NR2C1: variants seen among roughly 807,000 people sequenced by gnomAD.
NR2C1 encodes the protein nuclear receptor subfamily 2 group C member 1, also known as TR2 nuclear hormone receptor.
A neutral mutation model predicts 74.8 loss-of-function variants in NR2C1; 33 were observed. That is an observed-to-expected ratio of 0.44 (90% confidence interval 0.33 to 0.59). NR2C1 has a LOEUF of 0.59. NR2C1 is among the 20% of genes least tolerant of loss of function. The pLI is 0.02. For synonymous variants in NR2C1, 225 were observed against 240.6 expected, an observed-to-expected ratio of 0.94 and a Z score of 0.60; for missense variants, 568 against 715.6, an observed-to-expected ratio of 0.79 and a Z score of 2.35.
chr12:95,053,559 G>A (rs748420571), intron 7 of NR2C1, among the ~76,000 whole-genome samples: 1 of 151,150 alleles, frequency 6.6e-6, no homozygotes, highest in Non-Finnish European at 1.5e-5. Flanking sequence ...AAATTCTTTT[G>A]TAAATCCTTT....
chr12:95,024,991 C>T (rs773139251), intron 13 of NR2C1, among the ~76,000 whole-genome samples, 159 bp downstream of exon 13: 12 of 152,142 alleles, frequency 7.9e-5, no homozygotes, highest in Admixed American at 7.2e-4. Context: ...TTTTATGTAA[C>T]GTACTTGCAA....
intron 2 of NR2C1, among the ~76,000 whole-genome samples, chr12:95,065,677 C>T (rs1031784821): frequency 9.2e-5 from 14 of 151,988 alleles, no homozygotes; most frequent in Admixed American, 3.3e-4. Context: ...ATTGACTGGG[C>T]GCAGGGGCTC....
intron 10 of NR2C1, among the ~76,000 whole-genome samples, chr12:95,032,671 G>C (rs1171999579): frequency 1.3e-5 from 2 of 151,894 alleles, no homozygotes; most frequent in Non-Finnish European, 2.9e-5. Context: ...GAGGTGAAAG[G>C]TAAGAATTAG....
At chr12:95,044,954 CT>C (rs149991345) in intron 9 of NR2C1, among the ~76,000 whole-genome samples, 3,166 of 152,198 alleles carry the variant, frequency 0.021, 103 homozygotes, top group African/African-American at 0.072. Context: ...AATCTCAGCA[CT>C]TTTGGGAGGT....
At chr12:95,037,052 T>C (rs143531181) in intron 10 of NR2C1, among the ~76,000 whole-genome samples, 1 of 152,330 alleles carries the variant, frequency 6.6e-6, no homozygotes, top group African/African-American at 2.4e-5. Context: ...GATTCAGCTG[T>C]CTGGCTTGGC....
At chr12:95,051,616 G>T in intron 8 of NR2C1, 146 bp downstream of exon 8, 1 of 688,058 alleles carries the variant, frequency 1.5e-6, no homozygotes, top group East Asian at 2.9e-5. Context: ...AAGCATTTCG[G>T]ATAAGAGATA....
intron 3 of NR2C1, among the ~76,000 whole-genome samples, chr12:95,061,990 C>G (rs1008697021): frequency 6.6e-6 from 1 of 152,188 alleles, no homozygotes; most frequent in Non-Finnish European, 1.5e-5. Context: ...TGCATGACAA[C>G]AAAGGAGGCA....
Position 95,062,488 on chromosome 12 carries a change from A to C in NR2C1, c.285+20T>G. The stretch of plus-strand genomic sequence containing the variant: ...TTTTTTATATATGTAAGAGGAAAAG[A>C]CACTTCTATAGTTATTTACCTGCAG... On this transcript the variant is annotated intron_variant, in intron 3 of 13. Coordinates refer to ENST00000333003, the MANE Select transcript of NR2C1 (RefSeq NM_003297.4). The C allele has an allele frequency of 6.5e-7, 1 of 1,527,338 alleles. No individual in the cohort carries two copies. The highest frequency in any genetic ancestry group is 8.9e-7 in the Non-Finnish European group (1 of 1,117,746). 94.6% of individuals were successfully genotyped at this position (1,527,338 alleles called of 1,614,324 possible). A position where few individuals can be genotyped will look rare whatever the true frequency, so the allele number is the denominator to read the frequency against.
In NR2C1 at chr12:95,073,575, G is replaced by T. The variant is rs1356602332; in HGVS notation, c.-203C>A. 6.6e-6 allele frequency: 1 copy of T among 152,256 alleles called. No homozygotes were observed. The highest frequency in any genetic ancestry group is 2.4e-5 in the African/African-American group (1 of 41,470). 9.4% of individuals were successfully genotyped at this position (152,256 alleles called of 1,614,324 possible). A position where few individuals can be genotyped will look rare whatever the true frequency, so the allele number is the denominator to read the frequency against. ...GGTCAGAGTTCGTGACCTCTTTCTC[G>T]GCTCGGCGGCGCGCTATCCCGCCAG... On this transcript the variant is annotated 5_prime_UTR_variant, in exon 1 of 14. Transcript: ENST00000333003.
intron 3 of NR2C1, among the ~76,000 whole-genome samples, chr12:95,062,243 T>C (rs1465635543): frequency 6.6e-6 from 1 of 152,228 alleles, no homozygotes; most frequent in East Asian, 1.9e-4. Flanking sequence ...GCTCTCTGTA[T>C]CCTTTATTAA....
intron 8 of NR2C1, among the ~76,000 whole-genome samples, chr12:95,050,522 T>C (rs1275988326): frequency 1.3e-5 from 2 of 152,146 alleles, no homozygotes; most frequent in African/African-American, 4.8e-5. Flanking sequence ...TTGGCCAGGC[T>C]GGTCTCAAAC....
intron 9 of NR2C1, among the ~76,000 whole-genome samples, chr12:95,041,153 G>GC (rs1478158517): frequency 6.6e-6 from 1 of 152,100 alleles, no homozygotes; most frequent in Non-Finnish European, 1.5e-5. Context: ...AGCTCTTTCA[G>GC]TTTTTCAAAG....
intron 7 of NR2C1, 74 bp from the exon 8 acceptor site, chr12:95,052,017 G>A: frequency 8.3e-6 from 8 of 968,036 alleles, no homozygotes; most frequent in South Asian, 2.0e-5. Context: ...TCCAATTATA[G>A]ATTATGATAT....
chr12:95,024,638 C>T (rs1197864292), intron 13 of NR2C1, among the ~76,000 whole-genome samples: 1 of 152,106 alleles, frequency 6.6e-6, no homozygotes, highest in Non-Finnish European at 1.5e-5. Context: ...CACTCTGTCA[C>T]CCAGATTGGA....
At position 95,024,746 on chromosome 12, in the gene NR2C1, T is replaced by C. The variant is rs535772794; in HGVS notation, c.1637+404A>G. Among the ~76,000 whole-genome samples the C allele has an allele frequency of 3.3e-5, 5 of 152,228 alleles. No homozygotes were observed. The South Asian group carries it at 1.0e-3, about 32-fold the overall frequency. On this transcript the variant is annotated intron_variant, in intron 13 of 13. Coordinates refer to ENST00000333003, the MANE Select transcript of NR2C1 (RefSeq NM_003297.4). The stretch of plus-strand genomic sequence containing the variant: ...CCACCAAGCCGGGCTAATTTTTGTA[T>C]TTTTTTGTAGAAACAGGGTTTCACC...
chr12:95,024,292 A>G (rs1391763579), intron 13 of NR2C1, among the ~76,000 whole-genome samples: 2 of 152,220 alleles, frequency 1.3e-5, no homozygotes, highest in Non-Finnish European at 2.9e-5. Context: ...AGCACTGTAC[A>G]TATATTAACT....
chr12:95,028,276 T>C, intron 12 of NR2C1, 111 bp downstream of exon 12: 2 of 817,354 alleles, frequency 2.4e-6, no homozygotes, highest in Non-Finnish European at 3.8e-6. Context: ...TACTGAACTC[T>C]TTTCCCAGGT....
intron 9 of NR2C1, among the ~76,000 whole-genome samples, chr12:95,045,796 A>C (rs941760170): frequency 6.6e-6 from 1 of 152,188 alleles, no homozygotes; most frequent in African/African-American, 2.4e-5. Flanking sequence ...AGTAAAATAA[A>C]GTACATGAAA....
At chr12:95,048,240 AAT>A (rs552131354) in intron 9 of NR2C1, among the ~76,000 whole-genome samples, 137 of 152,262 alleles carry the variant, frequency 9.0e-4, no homozygotes, top group African/African-American at 3.1e-3. Context: ...TGTATCTTAT[AAT>A]AATGCTGGAA....
Sources: gnomAD v4.1 joint callset for allele counts (sites outside exome capture counted in the v4.1 genomes callset) on GRCh38, gnomAD v4.1.1 for gene constraint, MANE v1.5 for transcripts, NCBI Gene and HGNC (gene_info 2026-07-23, HGNC 2026-07-21) for gene names.